COL18A1: variants seen among roughly 807,000 people sequenced by gnomAD.
The protein encoded by COL18A1 is collagen alpha-1(XVIII) chain.
In COL18A1, 133 loss-of-function variants were observed where a neutral mutation model predicts 168.0. The ratio of observed to expected loss-of-function variants is 0.79; its 90% CI spans 0.69 to 0.91. The LOEUF (loss-of-function observed/expected upper bound fraction) is 0.91, where lower values mean the gene tolerates loss of function less well. COL18A1 is among the 40% of genes least tolerant of loss of function. The pLI is 0.00. For synonymous variants in COL18A1, 949 were observed against 809.0 expected, an observed-to-expected ratio of 1.17 and a Z score of -2.94; for missense variants, 2,126 against 1,925.4, an observed-to-expected ratio of 1.10 and a Z score of -1.95.
chr21:45,462,388 G>A (rs1217436093), intron 2 of COL18A1, among the ~76,000 whole-genome samples: 2 of 151,928 alleles, frequency 1.3e-5, no homozygotes, highest in African/African-American at 2.4e-5. Flanking sequence ...CAGCTTCCAC[G>A]GCATGCATGC....
intron 26 of COL18A1, chr21:45,494,007 C>T: frequency 3.8e-6 from 1 of 262,108 alleles, no homozygotes; most frequent in South Asian, 5.1e-5. Context: ...TGCCTGCGTC[C>T]CCACCCCCAG....
In COL18A1 at chr21:45,480,087, A is replaced by G. The variant is rs2145934681; in HGVS notation, c.1329A>G (p.Gly443=). Residue 443 remains glycine, a synonymous_variant, in exon 11 of 42, where the codon GGA becomes GGG. Coordinates refer to ENST00000651438, the MANE Select transcript of COL18A1 (RefSeq NM_001379500.1). ...GTTCCCAGGGAGACCCTGGGGTTGG[A>G]GAGAGAGGGCCCCCAGGACCCCAAG... ...PKGDKGDPGV[G]ERGPPGPQGP... The G allele has an allele frequency of 1.2e-6, 2 of 1,608,196 alleles. No homozygotes were observed. The highest frequency in any genetic ancestry group is 1.7e-6 in the Non-Finnish European group (2 of 1,175,030).
intron 32 of COL18A1, among the ~76,000 whole-genome samples, chr21:45,500,278 AGTGGGGGTGTGTGGAGTGTATATGTG>A (rs2036713684): frequency 6.2e-5 from 1 of 16,110 alleles, no homozygotes; most frequent in African/African-American, 3.9e-4. Flanking sequence ...TTGGGTGTGT[AGTGGGGGTGTGTGGAGTGTATATGTG>A]GGTGTGTAGT....
At chr21:45,414,848 G>C (rs577523351) in intron 2 of COL18A1, among the ~76,000 whole-genome samples, 4 of 152,322 alleles carry the variant, frequency 2.6e-5, no homozygotes, top group African/African-American at 9.6e-5. Flanking sequence ...CTGTGTGTGG[G>C]ATGAGGCTCA....
chr21:45,506,964 GTGTGCT>G, intron 37 of COL18A1: 2 of 266,506 alleles, frequency 7.5e-6, no homozygotes, highest in South Asian at 3.8e-5. Context: ...TGTGTGCCAG[GTGTGCT>G]TGTAGGCACC....
At chr21:45,482,242 C>A in intron 14 of COL18A1, 1 of 623,316 alleles carries the variant, frequency 1.6e-6, no homozygotes, top group Non-Finnish European at 2.9e-6. Flanking sequence ...AGTGGACTCA[C>A]GGGTTTTAAG....
Position 45,509,492 on chromosome 21 carries a change from C to G in COL18A1, c.3386C>G (p.Pro1129Arg). ...ATCCTGGCCAGCCCCCCTCGCCTGC[C>G]CGAGCCCCAGCCCTACCCCGGAGCC... is the stretch of plus-strand genomic sequence containing the variant. Reference protein sequence around the residue: ...DDILASPPRLPEPQPYPGAPH... With the variant: ...DDILASPPRLREPQPYPGAPH... Residue 1129 changes from proline (P) to arginine (R), a missense_variant, in exon 39 of 42, where the codon CCC becomes CGC. Transcript: ENST00000651438. The G allele has an allele frequency of 6.5e-7, 1 of 1,530,284 alleles. No homozygotes were observed. The highest frequency in any genetic ancestry group is 8.8e-7 in the Non-Finnish European group (1 of 1,136,864). 94.8% of individuals were successfully genotyped at this position (1,530,284 alleles called of 1,614,324 possible).
At chr21:45,450,414 G>A (rs1283434290) in intron 2 of COL18A1, among the ~76,000 whole-genome samples, 3 of 152,224 alleles carry the variant, frequency 2.0e-5, no homozygotes, top group African/African-American at 7.2e-5. Flanking sequence ...AGGGTGGCCA[G>A]AAGCAGGAGG....
chr21:45,421,526 C>T (rs1389082880), intron 2 of COL18A1: 13 of 534,544 alleles, frequency 2.4e-5, no homozygotes, highest in Admixed American at 7.8e-5. Flanking sequence ...AGCAGCCCAT[C>T]CTGGCTTGTC....
rs2033685363 is a variant in COL18A1, at chr21:45,423,386, T to C, written c.106+17913T>C. 6.6e-6 allele frequency among the ~76,000 whole-genome samples: 1 copy of C among 152,232 alleles called. No homozygotes were observed. On this transcript the variant is annotated intron_variant, in intron 2 of 41. Coordinates refer to ENST00000651438, the MANE Select transcript of COL18A1 (RefSeq NM_001379500.1). The surrounding 1 kb of genome is among the most constrained non-coding windows in gnomAD (Gnocchi z 4.0). Reference sequence around the variant, plus strand: ...TCCACAGTTTCCCTTTCCTTGCTGCTGTATTCAGTGATTTGCAGAGAGAAA... The same window carrying C: ...TCCACAGTTTCCCTTTCCTTGCTGCCGTATTCAGTGATTTGCAGAGAGAAA...
chr21:45,427,109 TCC>T (rs1290899894), intron 2 of COL18A1, among the ~76,000 whole-genome samples: 1 of 152,200 alleles, frequency 6.6e-6, no homozygotes, highest in Non-Finnish European at 1.5e-5. Flanking sequence ...CCGGGCTCTC[TCC>T]GGAGCGTGTG....
At chr21:45,458,657 G>A (rs1568884158) in intron 2 of COL18A1, among the ~76,000 whole-genome samples, 2 of 152,176 alleles carry the variant, frequency 1.3e-5, no homozygotes, top group African/African-American at 2.4e-5. Flanking sequence ...GAGGGACCCG[G>A]GTCCGGTGTC....
rs771111249 is a variant in COL18A1 at position 45,510,235 on chromosome 21, G to A, written c.3667G>A (p.Ala1223Thr). 3.1e-6 allele frequency: 5 copies of A among 1,606,120 alleles called. No individual in the cohort carries two copies. The highest frequency in any genetic ancestry group is 1.7e-4 in the Middle Eastern group (1 of 6,054). Residue 1223 changes from alanine to threonine, a missense_variant, in exon 40 of 42, where the codon GCA becomes ACA. Transcript: ENST00000651438. ...CAGCATCGTGCGCCGTGCCGACCGCGCAGCCGTGCCCATCGTCAACCTCAA... is the reference window on the plus strand; with the variant it reads ...CAGCATCGTGCGCCGTGCCGACCGCACAGCCGTGCCCATCGTCAACCTCAA... ...LYSIVRRADR[A>T]AVPIVNLKDE...
chr21:45,511,157 A>T lies in COL18A1; in HGVS notation c.3740A>T (p.Glu1247Val). 1 of 1,599,744 alleles carries T rather than the reference A, an allele frequency of 6.3e-7. No homozygotes were observed. Among genetic ancestry groups the T allele is most frequent in the East Asian group, 2.3e-5 (1 of 44,228 alleles). Reference protein sequence around the residue: ...PSWEALFSGSEGPLKPGARIF... With the variant: ...PSWEALFSGSVGPLKPGARIF... Reference sequence around the variant, plus strand: ...TGGGAGGCTCTGTTCTCAGGCTCTGAGGGTCCGCTGAAGCCCGGGGCACGC... The same window carrying T: ...TGGGAGGCTCTGTTCTCAGGCTCTGTGGGTCCGCTGAAGCCCGGGGCACGC... Residue 1247 changes from glutamate (E) to valine (V), a missense_variant, in exon 41 of 42, where the codon GAG becomes GTG. Coordinates refer to ENST00000651438, the MANE Select transcript of COL18A1 (RefSeq NM_001379500.1).
At chr21:45,497,541 C>A in intron 31 of COL18A1, 58 bp from the exon 32 acceptor site, 1 of 1,548,706 alleles carries the variant, frequency 6.5e-7, no homozygotes, top group Non-Finnish European at 8.7e-7. Flanking sequence ...AGGAGGGGCA[C>A]CACCCTGGAG....
At chr21:45,496,629 A>T in intron 30 of COL18A1, 61 bp downstream of exon 30, 4 of 845,316 alleles carry the variant, frequency 4.7e-6, no homozygotes, top group Non-Finnish European at 6.3e-6. Flanking sequence ...AGAGCCCCAC[A>T]GAGGGGCTGG....
chr21:45,426,144 G>A (rs1449376802), intron 2 of COL18A1, among the ~76,000 whole-genome samples: 3 of 151,814 alleles, frequency 2.0e-5, no homozygotes, highest in Non-Finnish European at 2.9e-5. Flanking sequence ...TCGCTCTGTC[G>A]CCCAGGGTGG....
At chr21:45,437,230 AC>A in intron 2 of COL18A1, among the ~76,000 whole-genome samples, 1 of 128,228 alleles carries the variant, frequency 7.8e-6, no homozygotes, top group South Asian at 2.6e-4. Flanking sequence ...ACACAGACAC[AC>A]AGGCACTCTC....
At chr21:45,493,811 T>G (rs372777693) in intron 26 of COL18A1, 17 of 559,296 alleles carry the variant, frequency 3.0e-5, no homozygotes, top group Admixed American at 6.2e-5. Context: ...GAGCCCACCC[T>G]GCTGAGGGGA....
Sources: gnomAD v4.1 joint callset for allele counts (sites outside exome capture counted in the v4.1 genomes callset) on GRCh38, gnomAD v4.1.1 for gene constraint, Gnocchi (gnomAD v3.1) non-coding constraint, MANE v1.5 for transcripts, NCBI Gene and HGNC (gene_info 2026-07-23, HGNC 2026-07-21) for gene names.